KCND2: variants seen among roughly 807,000 people sequenced by gnomAD.
KCND2 encodes the protein A-type voltage-gated potassium channel KCND2.
KCND2 carries 16 observed loss-of-function variants against 54.4 expected under a neutral mutation model. The ratio of observed to expected loss-of-function variants is 0.29; its 90% CI spans 0.20 to 0.45. KCND2 has a LOEUF of 0.45. KCND2 is among the 20% of genes least tolerant of loss of function. KCND2 has a pLI of 1.00. For synonymous variants in KCND2, 317 were observed against 310.7 expected (o/e 1.02, Z -0.21); for missense variants, 486 against 824.2 (o/e 0.59, Z 5.02).
chr7:120,477,878 C>G (rs777338991), intron 1 of KCND2, among the ~76,000 whole-genome samples: 3 of 152,060 alleles, frequency 2.0e-5, no homozygotes, highest in Non-Finnish European at 2.9e-5. Flanking sequence ...TTACAAGGCA[C>G]GCAAACTGAA....
chr7:120,448,753 T>C (rs1421996908), intron 1 of KCND2, among the ~76,000 whole-genome samples: 1 of 152,178 alleles, frequency 6.6e-6, no homozygotes, highest in Non-Finnish European at 1.5e-5. Context: ...ATCCCTGGGA[T>C]GCAAGGCTGG....
intron 1 of KCND2, among the ~76,000 whole-genome samples, chr7:120,552,458 A>G (rs545201681): frequency 1.3e-5 from 2 of 152,242 alleles, no homozygotes; most frequent in Non-Finnish European, 2.9e-5. Context: ...TGTATTTGAT[A>G]TGAGTTTTAT....
At chr7:120,392,123 T>A (rs1164702215) in intron 1 of KCND2, among the ~76,000 whole-genome samples, 2 of 152,144 alleles carry the variant, frequency 1.3e-5, no homozygotes, top group Non-Finnish European at 2.9e-5. Flanking sequence ...AGTTTCAATT[T>A]TCTGCATATG....
chr7:120,545,150 G>A (rs1347499375), intron 1 of KCND2, among the ~76,000 whole-genome samples: 1 of 151,854 alleles, frequency 6.6e-6, no homozygotes, highest in African/African-American at 2.4e-5. Context: ...AAGGAAAAAT[G>A]TCTTGCAAAA....
rs139290446 is a variant in KCND2, at chr7:120,371,120, A to G, written c.1115+95373A>G. Among the ~76,000 whole-genome samples the G allele has an allele frequency of 2.8e-3, 422 of 152,090 alleles. 2 individuals are homozygous for G. Among genetic ancestry groups the G allele is most frequent in the African/African-American group, 9.7e-3 (401 of 41,522 alleles). On this transcript the variant is annotated intron_variant, in intron 1 of 5. Coordinates refer to ENST00000331113, the MANE Select transcript of KCND2 (RefSeq NM_012281.3). Reference sequence around the variant, plus strand: ...GGAGAGAGAACATGCCACACCGTACACTTCCTCTTTAATCTTCTATCTGTA... The same window carrying G: ...GGAGAGAGAACATGCCACACCGTACGCTTCCTCTTTAATCTTCTATCTGTA...
At chr7:120,450,756 A>G (rs568931992) in intron 1 of KCND2, among the ~76,000 whole-genome samples, 1 of 152,284 alleles carries the variant, frequency 6.6e-6, no homozygotes, top group East Asian at 1.9e-4. Context: ...GATAGAGCTA[A>G]TTTCCTTTGT....
intron 1 of KCND2, among the ~76,000 whole-genome samples, chr7:120,517,387 C>G (rs901876789): frequency 1.3e-5 from 2 of 151,944 alleles, no homozygotes; most frequent in African/African-American, 4.8e-5. Context: ...TTCACAAAAA[C>G]TATACATAGC....
Position 120,629,487 on chromosome 7 carries a change from G to A in KCND2, c.1116-103416G>A, listed in dbSNP as rs116940744. 1.2e-3 allele frequency among the ~76,000 whole-genome samples: 182 copies of A among 152,292 alleles called. 4 individuals carry two copies. The East Asian group carries it at 0.026, about 22-fold the overall frequency. ...GGCGACAGAGCGAGACTCCGTCTCG[G>A]GGGTGGGGTGGAAAAAAAAAGAAAG... On this transcript the variant is annotated intron_variant, in intron 1 of 5. Transcript: ENST00000331113.
intron 1 of KCND2, among the ~76,000 whole-genome samples, chr7:120,612,640 A>G (rs1226630809): frequency 7.2e-5 from 11 of 152,202 alleles, no homozygotes; most frequent in Admixed American, 6.5e-4. Context: ...CCAAATACCC[A>G]TAATACACAG....
At chr7:120,415,420 C>T (rs771051959) in intron 1 of KCND2, among the ~76,000 whole-genome samples, 18 of 152,314 alleles carry the variant, frequency 1.2e-4, no homozygotes, top group South Asian at 2.1e-4. Context: ...ACTATCCACT[C>T]CTTATCCCAG....
intron 1 of KCND2, among the ~76,000 whole-genome samples, chr7:120,386,847 G>A (rs779938631): frequency 3.3e-5 from 5 of 152,128 alleles, no homozygotes; most frequent in Admixed American, 6.6e-5. Flanking sequence ...ATTATATTCT[G>A]TGCAACATTA....
At chr7:120,361,386 G>T (rs147074196) in intron 1 of KCND2, among the ~76,000 whole-genome samples, 1 of 149,710 alleles carries the variant, frequency 6.7e-6, no homozygotes, top group African/African-American at 2.5e-5. Flanking sequence ...GTTCTCTCTC[G>T]CTCTCTCTCT....
chr7:120,301,141 A>G (rs4517058), intron 1 of KCND2, among the ~76,000 whole-genome samples: 3,249 of 152,270 alleles, frequency 0.021, 132 homozygotes, highest in African/African-American at 0.074. Context: ...AAATGTCTAT[A>G]ATATTACCTA....
chr7:120,712,241 A>ATTTTTTTTT lies in KCND2; in HGVS notation c.1116-20630_1116-20622dup, dbSNP rs869059871. On this transcript the variant is annotated intron_variant, in intron 1 of 5. Coordinates refer to ENST00000331113, the MANE Select transcript of KCND2 (RefSeq NM_012281.3). ...TTTTCTTTGAATTTTGGATATCTGA[A>ATTTTTTTTT]TTTTTTTTTTTTTTTTTTTTTTTTT... 2.1e-3 allele frequency among the ~76,000 whole-genome samples: 74 copies of ATTTTTTTTT among 34,784 alleles called. 22 individuals carry two copies. Among genetic ancestry groups the ATTTTTTTTT allele is most frequent in the Non-Finnish European group, 2.6e-3 (50 of 18,962 alleles). The allele number at this position is 34,784 out of a possible 152,430, so 22.8% of individuals were successfully genotyped here.
intron 1 of KCND2, among the ~76,000 whole-genome samples, chr7:120,727,006 T>G (rs768465052): frequency 3.7e-4 from 56 of 152,232 alleles, no homozygotes; most frequent in Non-Finnish European, 7.3e-5. Flanking sequence ...ATTACATGAC[T>G]TTTGTTTTAT....
intron 1 of KCND2, among the ~76,000 whole-genome samples, chr7:120,657,508 C>A (rs934997265): frequency 6.6e-6 from 1 of 152,026 alleles, no homozygotes; most frequent in Non-Finnish European, 1.5e-5. Flanking sequence ...GAACTATTTG[C>A]GTACATGCTA....
At chr7:120,445,346 A>G (rs1299410484) in intron 1 of KCND2, among the ~76,000 whole-genome samples, 1 of 152,220 alleles carries the variant, frequency 6.6e-6, no homozygotes, top group Non-Finnish European at 1.5e-5. Context: ...TAGAAATTCA[A>G]AAGTAATGAA....
chr7:120,511,748 C>T (rs908868217), intron 1 of KCND2, among the ~76,000 whole-genome samples: 2 of 152,066 alleles, frequency 1.3e-5, no homozygotes, highest in Non-Finnish European at 2.9e-5. Flanking sequence ...GCACCTATCC[C>T]TATCTCGCAG....
At chr7:120,372,535 A>T (rs982488739) in intron 1 of KCND2, among the ~76,000 whole-genome samples, 1 of 151,908 alleles carries the variant, frequency 6.6e-6, no homozygotes, top group Non-Finnish European at 1.5e-5. Context: ...TTTGATTTTA[A>T]AGACAAAAAC....
Sources: gnomAD v4.1 joint callset for allele counts (sites outside exome capture counted in the v4.1 genomes callset) on GRCh38, gnomAD v4.1.1 for gene constraint, MANE v1.5 for transcripts, NCBI Gene and HGNC (gene_info 2026-07-23, HGNC 2026-07-21) for gene names.